The following CBFA2T3 variants were observed in gnomAD, a reference collection of about 807,000 sequenced individuals.
CBFA2T3 encodes CBFA2/RUNX1 partner transcriptional co-repressor 3.
CBFA2T3 carries 31 observed loss-of-function variants against 58.6 expected under a neutral mutation model. The ratio of observed to expected loss-of-function variants is 0.53; its 90% confidence interval spans 0.40 to 0.71. The LOEUF (loss-of-function observed/expected upper bound fraction) is 0.71, where lower values mean the gene tolerates loss of function less well. Ranked by LOEUF, CBFA2T3 falls within the 30% of genes least tolerant of loss-of-function variation. The probability of loss-of-function intolerance (pLI) is 0.00; values close to 1 mark genes in which losing one functional copy is unlikely to be tolerated. For synonymous variants in CBFA2T3, 531 were observed against 421.9 expected, an observed-to-expected ratio of 1.26 and a Z score of -3.17; for missense variants, 1,076 against 963.1, an observed-to-expected ratio of 1.12 and a Z score of -1.55.
chr16:88,940,647 CGGCCGCCGCCACCTCTGCCTCTCCCAG>C (rs1221775217), intron 1 of CBFA2T3, among the ~76,000 whole-genome samples: 1 of 152,152 alleles, frequency 6.6e-6, no homozygotes, highest in Non-Finnish European at 1.5e-5. Flanking sequence ...CTCCCCAGAC[CGGCCGCCGCCACCTCTGCCTCTCCCAG>C]GGCCGCCCTC....
At chr16:88,898,538 C>T (rs190474424) in intron 2 of CBFA2T3, among the ~76,000 whole-genome samples, 1 of 152,214 alleles carries the variant, frequency 6.6e-6, no homozygotes, top group African/African-American at 2.4e-5. Context: ...ACAAGAACCG[C>T]GGCTTCTCTA....
intron 1 of CBFA2T3, among the ~76,000 whole-genome samples, chr16:88,909,888 G>A (rs1970473232): frequency 6.6e-6 from 1 of 152,250 alleles, no homozygotes; most frequent in South Asian, 2.1e-4. Flanking sequence ...GCCGTCCAGT[G>A]CAGTAAACCC....
intron 1 of CBFA2T3, chr16:88,940,425 C>G (rs534277262): frequency 1.3e-5 from 2 of 153,064 alleles, no homozygotes; most frequent in Non-Finnish European, 2.9e-5. Flanking sequence ...CACAGCCTGG[C>G]TCGGGGCCTG....
intron 5 of CBFA2T3, among the ~76,000 whole-genome samples, chr16:88,887,406 G>C (rs1969422533): frequency 6.6e-6 from 1 of 152,174 alleles, no homozygotes; most frequent in Admixed American, 6.5e-5. Flanking sequence ...GAACCGGCTG[G>C]TCGCTGTTAG....
chr16:88,901,699 G>A (rs1305007924), intron 1 of CBFA2T3, 43 bp from the exon 2 acceptor site: 1 of 1,504,938 alleles, frequency 6.6e-7, no homozygotes, highest in Non-Finnish European at 8.8e-7. Context: ...AGCAGGCTAA[G>A]TGCAAAGGCC....
chr16:88,948,445 T>C (rs541001795), intron 1 of CBFA2T3, among the ~76,000 whole-genome samples: 1 of 152,310 alleles, frequency 6.6e-6, no homozygotes, highest in African/African-American at 2.4e-5. Flanking sequence ...GGTTCTGCCT[T>C]GGCCGTCAGC....
intron 10 of CBFA2T3, chr16:88,879,725 T>G: frequency 2.2e-6 from 1 of 462,862 alleles, no homozygotes; most frequent in East Asian, 3.2e-5. Flanking sequence ...GGCATGTGTG[T>G]GCAAAGCTGG....
intron 1 of CBFA2T3, among the ~76,000 whole-genome samples, chr16:88,967,954 G>T (rs1046325952): frequency 5.3e-5 from 8 of 152,270 alleles, no homozygotes; most frequent in African/African-American, 1.9e-4. Flanking sequence ...GTGGCCTCCA[G>T]AATGTCACCA....
At chr16:88,973,088 C>T (rs568665224) in intron 1 of CBFA2T3, among the ~76,000 whole-genome samples, 74 of 152,322 alleles carry the variant, frequency 4.9e-4, no homozygotes, top group Admixed American at 3.2e-3. Context: ...AAGGAGGAGT[C>T]GGGCTGAGAC....
At chr16:88,890,691 G>T (rs145776230) in intron 5 of CBFA2T3, among the ~76,000 whole-genome samples, 127 of 150,804 alleles carry the variant, frequency 8.4e-4, no homozygotes, top group African/African-American at 3.0e-3. Context: ...CTCTCCCATG[G>T]GAATCACTGG....
At chr16:88,879,778 G>A (rs1441477587) in intron 10 of CBFA2T3, 8 of 320,480 alleles carry the variant, frequency 2.5e-5, no homozygotes, top group Admixed American at 8.9e-5. Context: ...CTACCGCAGC[G>A]GCTCCCCAGG....
Position 88,886,162 on chromosome 16 carries a change from G to A in CBFA2T3, c.712-20C>T. ...GTTTGCCTGTGGGGTGGGGAAGGAG[G>A]GCCTGGGTAGCATGCAGGGGTGCAC... On this transcript the variant is annotated intron_variant, in intron 5 of 11. Transcript: ENST00000268679. The A allele has an allele frequency of 6.6e-7, 1 of 1,509,122 alleles. No homozygotes were observed. Among genetic ancestry groups the A allele is most frequent in the Non-Finnish European group, 8.8e-7 (1 of 1,134,072 alleles). 93.5% of individuals were successfully genotyped at this position (1,509,122 alleles called of 1,614,324 possible). A position where few individuals can be genotyped will look rare whatever the true frequency, so the allele number is the denominator to read the frequency against.
At chr16:88,973,022 C>T (rs1257524834) in intron 1 of CBFA2T3, among the ~76,000 whole-genome samples, 7 of 152,194 alleles carry the variant, frequency 4.6e-5, no homozygotes, top group African/African-American at 9.7e-5. Flanking sequence ...ACACCCTGGC[C>T]GAGCTCTGCA....
At chr16:88,941,036 G>A (rs1167663010) in intron 1 of CBFA2T3, 4 of 985,490 alleles carry the variant, frequency 4.1e-6, no homozygotes, top group East Asian at 1.1e-4. Flanking sequence ...GGGGTCCGGG[G>A]GATCCGGCGG....
chr16:88,902,211 C>G (rs1224068326), intron 1 of CBFA2T3, among the ~76,000 whole-genome samples: 1 of 152,170 alleles, frequency 6.6e-6, no homozygotes, highest in Non-Finnish European at 1.5e-5. Flanking sequence ...GGGCGGGGGA[C>G]GGTGTCTGCC....
intron 1 of CBFA2T3, among the ~76,000 whole-genome samples, chr16:88,911,642 C>T (rs543710579): frequency 2.0e-5 from 3 of 152,366 alleles, no homozygotes; most frequent in South Asian, 2.1e-4. Context: ...CGCAGAATCA[C>T]GGAGGGACGA....
intron 1 of CBFA2T3, among the ~76,000 whole-genome samples, chr16:88,909,938 C>T (rs930448307): frequency 6.6e-6 from 1 of 152,216 alleles, no homozygotes; most frequent in South Asian, 2.1e-4. Flanking sequence ...TCTGGGGAAC[C>T]AGAGGGACGA....
intron 1 of CBFA2T3, among the ~76,000 whole-genome samples, chr16:88,902,954 C>T (rs984023428): frequency 2.6e-5 from 4 of 152,156 alleles, no homozygotes; most frequent in Non-Finnish European, 5.9e-5. Flanking sequence ...GTGGGTCTCA[C>T]CCACGACTGC....
At chr16:88,925,173 C>T (rs924935866) in intron 1 of CBFA2T3, among the ~76,000 whole-genome samples, 6 of 152,240 alleles carry the variant, frequency 3.9e-5, no homozygotes, top group African/African-American at 1.2e-4. Context: ...GGCAGAGGGC[C>T]GGGTTCCAGC....
Sources: gnomAD v4.1 joint callset for allele counts (sites outside exome capture counted in the v4.1 genomes callset) on GRCh38, gnomAD v4.1.1 for gene constraint, MANE v1.5 for transcripts, NCBI Gene and HGNC (gene_info 2026-07-23, HGNC 2026-07-21) for gene names.